The following KLHL7 variants were observed in gnomAD, a reference collection of about 807,000 sequenced individuals.
KLHL7 encodes kelch-like protein 7.
KLHL7 carries 44 observed loss-of-function variants against 67.4 expected under a neutral mutation model. That is an observed-to-expected ratio of 0.65 (90% CI 0.51 to 0.84). The LOEUF (loss-of-function observed/expected upper bound fraction) is 0.84. Among genes scored for constraint, KLHL7 ranks in the 40% least tolerant of loss-of-function variants. The probability of loss-of-function intolerance (pLI) is 0.00; values close to 1 mark genes in which losing one functional copy is unlikely to be tolerated. For synonymous variants in KLHL7, 252 were observed against 243.3 expected, an observed-to-expected ratio of 1.04 and a Z score of -0.33; for missense variants, 362 against 718.1, an observed-to-expected ratio of 0.50 and a Z score of 5.67.
chr7:23,177,409 T>C lies in KLHL7; in HGVS notation c.*3111T>C, dbSNP rs895483848. 2 of 152,252 alleles carry C rather than the reference T, an allele frequency of 1.3e-5. No homozygotes were observed. Among genetic ancestry groups the C allele is most frequent in the Non-Finnish European group, 2.9e-5 (2 of 68,042 alleles). The allele number at this position is 152,252 out of a possible 1,614,324, so 9.4% of individuals were successfully genotyped here. On this transcript the variant is annotated 3_prime_UTR_variant, in exon 11 of 11. Coordinates refer to ENST00000339077, the MANE Select transcript of KLHL7 (RefSeq NM_001031710.3). The stretch of plus-strand genomic sequence containing the variant: ...ATTGACTAGAACACACTATAGTAAA[T>C]ACATACACAGGTTTGATGTGGATTA...
rs1208985231 is a variant in KLHL7, at chr7:23,125,106, A to T, written c.376A>T (p.Ile126Phe). The T allele has an allele frequency of 6.2e-7, 1 of 1,613,030 alleles. No individual in the cohort carries two copies. The change falls in exon 4 of 11, where the codon ATT becomes TTT. Residue 126 changes from isoleucine to phenylalanine, a missense_variant. Physicochemically the swap from Ile to Phe is conservative, Grantham distance 21 (BLOSUM62 0). This residue lies in a region of KLHL7 where 155 missense variants were observed against 280.8 expected (regional missense o/e 0.55). Coordinates refer to ENST00000339077, the MANE Select transcript of KLHL7 (RefSeq NM_001031710.3). ...SLLDAANQYQ[I>F]EPVKKMCVDF... ...GCTGGATGCAGCAAACCAATATCAG[A>T]TTGAACCTGTGAAGAAAATGTGTGT...
intron 9 of KLHL7, chr7:23,171,121 G>T: frequency 3.4e-6 from 1 of 296,288 alleles, no homozygotes; most frequent in Non-Finnish European, 6.9e-6. Context: ...TGGCCAGGAT[G>T]GCCTCCATCT....
At position 23,170,907 on chromosome 7, in the gene KLHL7, C is replaced by CTTTTT. The variant is rs34932759; in HGVS notation, c.1380-2028_1380-2024dup. On this transcript the variant is annotated intron_variant, in intron 9 of 10. Coordinates refer to ENST00000339077, the MANE Select transcript of KLHL7 (RefSeq NM_001031710.3). ...GAGCGGTCAGAATTTTAAGAAATGA[C>CTTTTT]TTTTTTTTTTTTTTTTTGTGAGACG... Among the ~76,000 whole-genome samples the CTTTTT allele has an allele frequency of 3.3e-4, 44 of 132,940 alleles. 1 individual carries two copies. The highest frequency in any genetic ancestry group is 4.1e-4 in the Non-Finnish European group (26 of 63,346). The allele number at this position is 132,940 out of a possible 152,430, so 87.2% of individuals were successfully genotyped here. A position where few individuals can be genotyped will look rare whatever the true frequency, so the allele number is the denominator to read the frequency against.
chr7:23,114,976 A>G (rs1302937309), intron 1 of KLHL7, among the ~76,000 whole-genome samples: 1 of 152,246 alleles, frequency 6.6e-6, no homozygotes, highest in Non-Finnish European at 1.5e-5. Flanking sequence ...CTGAATTAAA[A>G]TGAAAGGCAA....
intron 8 of KLHL7, 35 bp downstream of exon 8, chr7:23,165,973 A>G (rs949839692): frequency 6.2e-7 from 1 of 1,612,240 alleles, no homozygotes; most frequent in Non-Finnish European, 8.5e-7. Flanking sequence ...TTTGGGGCAT[A>G]TGCTTTAAAG....
At chr7:23,108,869 C>T (rs967455154) in intron 1 of KLHL7, among the ~76,000 whole-genome samples, 2 of 152,240 alleles carry the variant, frequency 1.3e-5, no homozygotes, top group Non-Finnish European at 2.9e-5. Flanking sequence ...AGCGCTACTT[C>T]ATCCTTGTGG....
chr7:23,149,563 T>A (rs915894004), intron 6 of KLHL7, among the ~76,000 whole-genome samples: 2 of 152,244 alleles, frequency 1.3e-5, no homozygotes, highest in Non-Finnish European at 2.9e-5. Flanking sequence ...AGGTCTGGGT[T>A]AGTGTTCAAT....
chr7:23,145,413 C>G (rs1414287690), intron 6 of KLHL7, among the ~76,000 whole-genome samples: 1 of 151,772 alleles, frequency 6.6e-6, no homozygotes, highest in Non-Finnish European at 1.5e-5. Context: ...TTGAAGTTTT[C>G]TTATGTTGTC....
chr7:23,121,822 A>G (rs1783358681), intron 1 of KLHL7, among the ~76,000 whole-genome samples: 1 of 151,784 alleles, frequency 6.6e-6, no homozygotes, highest in African/African-American at 2.4e-5. Context: ...AGCTGGGACT[A>G]CAGGTGCCCA....
chr7:23,144,930 T>C (rs1698568625), intron 6 of KLHL7, among the ~76,000 whole-genome samples: 2 of 114,592 alleles, frequency 1.7e-5, no homozygotes, highest in Non-Finnish European at 3.4e-5. Flanking sequence ...AGATTCCAAC[T>C]CTCCAAAAAA....
rs754971259 is a variant in KLHL7 at position 23,156,074 on chromosome 7, C to T, written c.936+3865C>T. 3.6e-5 allele frequency: 16 copies of T among 440,238 alleles called. 1 individual carries two copies. The highest frequency in any genetic ancestry group is 3.2e-4 in the Admixed American group (11 of 34,672). The allele number at this position is 440,238 out of a possible 1,614,324, so 27.3% of individuals were successfully genotyped here. A position where few individuals can be genotyped will look rare whatever the true frequency, so the allele number is the denominator to read the frequency against. ...TTCTCATTTGTTGTCTTGCCTTGCT[C>T]TTATAAATGAGTCATTCCTAATTGC... On this transcript the variant is annotated intron_variant, in intron 7 of 10. Coordinates refer to ENST00000339077, the MANE Select transcript of KLHL7 (RefSeq NM_001031710.3).
At chr7:23,172,084 G>A (rs1381671539) in intron 9 of KLHL7, 1 of 446,524 alleles carries the variant, frequency 2.2e-6, no homozygotes, top group Middle Eastern at 3.3e-4. Context: ...TTTCCCTTTT[G>A]TTGTTGTCCT....
intron 6 of KLHL7, among the ~76,000 whole-genome samples, chr7:23,148,924 A>C (rs940885600): frequency 2.6e-5 from 4 of 152,326 alleles, no homozygotes. Flanking sequence ...CAAGCAGCTG[A>C]GAAGCTTCCA....
At chr7:23,171,645 G>A (rs943048985) in intron 9 of KLHL7, among the ~76,000 whole-genome samples, 1 of 152,238 alleles carries the variant, frequency 6.6e-6, no homozygotes, top group Non-Finnish European at 1.5e-5. Flanking sequence ...TAAGACAAAA[G>A]AATTGTTAAT....
rs1562543482 is a variant in KLHL7 at position 23,106,083 on chromosome 7, T to C, written c.57T>C (p.Ala19=). The C allele has an allele frequency of 6.2e-7, 1 of 1,609,188 alleles. No homozygotes were observed. Among genetic ancestry groups the C allele is most frequent in the Non-Finnish European group, 8.5e-7 (1 of 1,178,138 alleles). ...SSKKKTEKKL[A]AREEAKLLAG... is the part of the protein sequence containing the mutation. Reference sequence around the variant, plus strand: ...AGAAGAAGACCGAGAAGAAACTTGCTGCTCGGGAAGAAGCTAAATTGTTGG... The same window carrying C: ...AGAAGAAGACCGAGAAGAAACTTGCCGCTCGGGAAGAAGCTAAATTGTTGG... The change falls in exon 1 of 11, where the codon GCT becomes GCC. Residue 19 remains alanine (A), a synonymous_variant. Transcript: ENST00000339077.
At chr7:23,173,341 T>C (rs1461753308) in intron 10 of KLHL7, among the ~76,000 whole-genome samples, 2 of 152,186 alleles carry the variant, frequency 1.3e-5, no homozygotes, top group Non-Finnish European at 2.9e-5. Flanking sequence ...TATTGAGCAA[T>C]AGAAATATTT....
chr7:23,119,757 T>G (rs1250256175), intron 1 of KLHL7, among the ~76,000 whole-genome samples: 2 of 152,172 alleles, frequency 1.3e-5, no homozygotes, highest in Non-Finnish European at 2.9e-5. Context: ...TTTAATTATT[T>G]TGTTGCTTCT....
At position 23,171,343 on chromosome 7, in the gene KLHL7, A is replaced by G. The variant is rs560121168; in HGVS notation, c.1380-1605A>G. On this transcript the variant is annotated intron_variant, in intron 9 of 10. Coordinates refer to ENST00000339077, the MANE Select transcript of KLHL7 (RefSeq NM_001031710.3). ...TAAAGACATGCTGTCTTTTTATATC[A>G]TTAACATTATATTTGGAGAAGAAAG... 3.3e-5 allele frequency among the ~76,000 whole-genome samples: 5 copies of G among 152,352 alleles called. No homozygotes were observed. The South Asian group carries it at 1.0e-3, about 32-fold the overall frequency.
At chr7:23,120,964 C>G (rs1783311112) in intron 1 of KLHL7, among the ~76,000 whole-genome samples, 2 of 152,192 alleles carry the variant, frequency 1.3e-5, no homozygotes, top group South Asian at 2.1e-4. Context: ...ACAAACCTCT[C>G]TCTATCCCTC....
Sources: allele counts gnomAD v4.1 joint callset (sites outside exome capture counted in the v4.1 genomes callset), GRCh38; gene constraint gnomAD v4.1.1; regional missense constraint gnomAD v4.1.1; transcripts MANE v1.5; gene names NCBI Gene and HGNC (gene_info 2026-07-23, HGNC 2026-07-21).